CPT1A: variants seen among roughly 807,000 people sequenced by gnomAD.
CPT1A encodes the protein carnitine O-palmitoyltransferase 1, liver isoform.
Under a neutral mutation model 100.8 loss-of-function variants are expected in CPT1A, and 64 were observed. The observed-to-expected ratio is 0.63, with a 90% CI of 0.52 to 0.78. The LOEUF is 0.78. Ranked by LOEUF, CPT1A falls within the 30% of genes least tolerant of loss-of-function variation. The pLI is 0.00. For synonymous variants in CPT1A, 363 were observed against 396.0 expected (o/e 0.92, Z 0.99); for missense variants, 802 against 1,034.1 (o/e 0.78, Z 3.08).
intron 8 of CPT1A, among the ~76,000 whole-genome samples, chr11:68,794,409 T>C (rs1855700750): frequency 1.3e-5 from 2 of 152,166 alleles, no homozygotes; most frequent in South Asian, 4.1e-4. Flanking sequence ...CTACACTTTA[T>C]TTTTTAATTT....
At chr11:68,762,852 T>A in intron 14 of CPT1A, 91 bp from the exon 15 acceptor site, 1 of 1,503,166 alleles carries the variant, frequency 6.7e-7, no homozygotes, top group Non-Finnish European at 9.2e-7. Context: ...CAAGGAGACG[T>A]GGACTTCATT....
chr11:68,788,918 G>C (rs1855544176), intron 9 of CPT1A, among the ~76,000 whole-genome samples: 1 of 152,124 alleles, frequency 6.6e-6, no homozygotes, highest in Admixed American at 6.6e-5. Flanking sequence ...TGTCAACCAG[G>C]GCAGCCGGCA....
At chr11:68,831,548 G>A (rs1035426453) in intron 1 of CPT1A, among the ~76,000 whole-genome samples, 9 of 152,080 alleles carry the variant, frequency 5.9e-5, no homozygotes, top group Admixed American at 4.6e-4. Flanking sequence ...CACGTATGGA[G>A]ATACTAATAG....
At chr11:68,804,554 C>G (rs562977268) in intron 4 of CPT1A, among the ~76,000 whole-genome samples, 1 of 145,594 alleles carries the variant, frequency 6.9e-6, no homozygotes, top group East Asian at 2.0e-4. Flanking sequence ...TACCACTGCA[C>G]TCCAGCCTGG....
At chr11:68,819,420 G>A (rs771774967) in intron 1 of CPT1A, among the ~76,000 whole-genome samples, 2 of 152,128 alleles carry the variant, frequency 1.3e-5, no homozygotes, top group African/African-American at 2.4e-5. Context: ...CAAAGCCTTC[G>A]CAGTAACCAT....
chr11:68,761,838 T>C (rs1854628774), intron 15 of CPT1A, 151 bp from the exon 16 acceptor site: 3 of 885,088 alleles, frequency 3.4e-6, no homozygotes, highest in Non-Finnish European at 5.5e-6. Flanking sequence ...TTCGAACTCC[T>C]GAGCTCAGGC....
At chr11:68,838,194 G>A (rs1355044440) in intron 1 of CPT1A, among the ~76,000 whole-genome samples, 2 of 151,980 alleles carry the variant, frequency 1.3e-5, no homozygotes, top group African/African-American at 2.4e-5. Flanking sequence ...GAGAGGGCAC[G>A]CCTCACTCAG....
intron 1 of CPT1A, among the ~76,000 whole-genome samples, chr11:68,838,452 A>G (rs1857066721): frequency 6.6e-6 from 1 of 151,362 alleles, no homozygotes; most frequent in Non-Finnish European, 1.5e-5. Context: ...TACTTGTGTT[A>G]AGCAATCAAT....
chr11:68,796,998 C>T, intron 6 of CPT1A, 65 bp from the exon 7 acceptor site: 1 of 1,528,992 alleles, frequency 6.5e-7, no homozygotes, highest in South Asian at 1.1e-5. Flanking sequence ...TCCCTGGCAG[C>T]AGCCCAGAGC....
chr11:68,795,697 G>A (rs906781056), intron 7 of CPT1A, among the ~76,000 whole-genome samples: 2 of 152,182 alleles, frequency 1.3e-5, no homozygotes, highest in African/African-American at 4.8e-5. Context: ...ATCACCTGAA[G>A]TCAGGAGTTT....
intron 10 of CPT1A, among the ~76,000 whole-genome samples, chr11:68,783,290 C>T (rs1460525712): frequency 1.3e-5 from 2 of 151,484 alleles, no homozygotes; most frequent in African/African-American, 4.9e-5. Context: ...CCCCACCCCA[C>T]CCTACACCAC....
intron 8 of CPT1A, among the ~76,000 whole-genome samples, chr11:68,794,403 A>G (rs1376266350): frequency 1.3e-5 from 2 of 151,786 alleles, no homozygotes; most frequent in East Asian, 1.9e-4. Flanking sequence ...CAAACTCTAC[A>G]CTTTATTTTT....
In CPT1A at chr11:68,780,658, G is replaced by A. The variant is rs746623711; in HGVS notation, c.1440C>T (p.Ile480=). Residue 480 remains isoleucine (I), a synonymous_variant, in exon 12 of 19, where the codon ATC becomes ATT. Coordinates refer to ENST00000265641, the MANE Select transcript of CPT1A (RefSeq NM_001876.4). Reference sequence around the variant, plus strand: ...AACTCACCTCCCAAAGGTGGGCCACGATCGGCGCATCTGCCCAGGAGTGTT... The same window carrying A: ...AACTCACCTCCCAAAGGTGGGCCACAATCGGCGCATCTGCCCAGGAGTGTT... ...NAEHSWADAP[I]VAHLWEYVMS... is the part of the protein sequence containing the mutation. 1.1e-5 allele frequency: 17 copies of A among 1,614,008 alleles called. No individual in the cohort carries two copies. Among genetic ancestry groups the A allele is most frequent in the African/African-American group, 2.7e-5 (2 of 74,910 alleles).
At chr11:68,801,909 G>A (rs1217524594) in intron 5 of CPT1A, among the ~76,000 whole-genome samples, 2 of 152,156 alleles carry the variant, frequency 1.3e-5, no homozygotes, top group African/African-American at 2.4e-5. Flanking sequence ...AACAGCGGAT[G>A]AACAGGTGGA....
At chr11:68,831,373 C>T (rs944608415) in intron 1 of CPT1A, among the ~76,000 whole-genome samples, 4 of 152,152 alleles carry the variant, frequency 2.6e-5, no homozygotes, top group South Asian at 4.1e-4. Context: ...TTTCAAAACA[C>T]GCCCAAGGAA....
intron 1 of CPT1A, among the ~76,000 whole-genome samples, chr11:68,820,192 A>T (rs969476486): frequency 4.6e-5 from 7 of 151,944 alleles, no homozygotes; most frequent in Non-Finnish European, 1.0e-4. Flanking sequence ...CACCATGCTC[A>T]GCTAATTTAT....
intron 11 of CPT1A, among the ~76,000 whole-genome samples, chr11:68,781,530 G>C (rs1008872221): frequency 6.6e-6 from 1 of 152,206 alleles, no homozygotes; most frequent in Non-Finnish European, 1.5e-5. Context: ...TGAAGGAGGA[G>C]AATCGCTTGA....
At chr11:68,801,391 A>G (rs1416579577) in intron 5 of CPT1A, among the ~76,000 whole-genome samples, 1 of 152,058 alleles carries the variant, frequency 6.6e-6, no homozygotes, top group Non-Finnish European at 1.5e-5. Context: ...GTACTTTGGG[A>G]GGCCAAGGTG....
intron 16 of CPT1A, among the ~76,000 whole-genome samples, chr11:68,761,056 CTTAAA>C (rs1946799696): frequency 6.6e-6 from 1 of 150,780 alleles, no homozygotes; most frequent in Admixed American, 6.6e-5. Flanking sequence ...ATAAATAAAA[CTTAAA>C]TTAAATTTGA....
Sources: gnomAD v4.1 joint callset for allele counts (sites outside exome capture counted in the v4.1 genomes callset) on GRCh38, gnomAD v4.1.1 for gene constraint, MANE v1.5 for transcripts, NCBI Gene and HGNC (gene_info 2026-07-23, HGNC 2026-07-21) for gene names.